TGFBR3: variants seen among roughly 807,000 people sequenced by gnomAD.
The protein encoded by TGFBR3 is transforming growth factor beta receptor 3.
In TGFBR3, 46 loss-of-function variants were observed where a neutral mutation model predicts 87.9. That is an observed-to-expected ratio of 0.52 (90% CI 0.41 to 0.67). The LOEUF (loss-of-function observed/expected upper bound fraction) is 0.67. Among genes scored for constraint, TGFBR3 ranks in the 30% least tolerant of loss-of-function variants. TGFBR3 has a pLI of 0.00. For synonymous variants in TGFBR3, 381 were observed against 391.6 expected (o/e 0.97, Z 0.32); for missense variants, 866 against 1,041.9 (o/e 0.83, Z 2.32).
intron 2 of TGFBR3, among the ~76,000 whole-genome samples, chr1:91,838,498 G>A (rs112267301): frequency 0.015 from 2,149 of 139,000 alleles, 60 homozygotes; most frequent in African/African-American, 0.055. Context: ...TCGCCCTGTC[G>A]CCCAGGCTGG....
chr1:91,725,439 G>A (rs1672517056), intron 7 of TGFBR3, among the ~76,000 whole-genome samples: 1 of 152,166 alleles, frequency 6.6e-6, no homozygotes, highest in South Asian at 2.1e-4. Context: ...CACTCTGCTA[G>A]GCATATATTA....
At chr1:91,831,817 G>A (rs1402329980) in intron 2 of TGFBR3, among the ~76,000 whole-genome samples, 1 of 152,148 alleles carries the variant, frequency 6.6e-6, no homozygotes, top group Non-Finnish European at 1.5e-5. Flanking sequence ...TTTTGAAAAC[G>A]ACGTAAGTCC....
At chr1:91,795,278 C>T (rs918774392) in intron 3 of TGFBR3, among the ~76,000 whole-genome samples, 12 of 152,222 alleles carry the variant, frequency 7.9e-5, no homozygotes, top group Non-Finnish European at 1.6e-4. Flanking sequence ...CAAAATCATA[C>T]ATATACTATA....
chr1:91,826,068 G>A (rs1246971756), intron 2 of TGFBR3, among the ~76,000 whole-genome samples: 2 of 152,038 alleles, frequency 1.3e-5, no homozygotes, highest in Non-Finnish European at 2.9e-5. Flanking sequence ...TCAATTTGCT[G>A]AAACCCATAT....
At chr1:91,816,416 C>T (rs2101050032) in intron 2 of TGFBR3, among the ~76,000 whole-genome samples, 1 of 152,090 alleles carries the variant, frequency 6.6e-6, no homozygotes, top group African/African-American at 2.4e-5. Context: ...AATTATTTTC[C>T]CTAATCCCTA....
At chr1:91,728,777 G>A (rs547517647) in intron 6 of TGFBR3, among the ~76,000 whole-genome samples, 46 of 152,158 alleles carry the variant, frequency 3.0e-4, no homozygotes, top group African/African-American at 9.4e-4. Flanking sequence ...TTTTCACCTC[G>A]AAATCCCTCT....
At chr1:91,902,182 G>T (rs1414666802) in intron 1 of TGFBR3, among the ~76,000 whole-genome samples, 1 of 151,970 alleles carries the variant, frequency 6.6e-6, no homozygotes, top group African/African-American at 2.4e-5. Context: ...TCAAAGTTAG[G>T]TGCTCTCTTT....
chr1:91,806,452 T>C (rs1388856741), intron 2 of TGFBR3, among the ~76,000 whole-genome samples: 1 of 151,594 alleles, frequency 6.6e-6, no homozygotes, highest in Non-Finnish European at 1.5e-5. Flanking sequence ...TCACACCTCA[T>C]GCAACATGGA....
intron 4 of TGFBR3, among the ~76,000 whole-genome samples, chr1:91,739,649 A>T (rs1053858891): frequency 6.6e-6 from 1 of 152,118 alleles, no homozygotes; most frequent in Admixed American, 6.6e-5. Context: ...ACCTCACAGA[A>T]CCTTCCTCAT....
At chr1:91,746,739 C>A (rs201927029) in intron 4 of TGFBR3, among the ~76,000 whole-genome samples, 6 of 107,410 alleles carry the variant, frequency 5.6e-5, no homozygotes, top group African/African-American at 2.0e-4. Flanking sequence ...TTTTTTTTTT[C>A]ATCAAGGCTG....
intron 2 of TGFBR3, among the ~76,000 whole-genome samples, chr1:91,847,226 T>C (rs556159163): frequency 3.3e-5 from 5 of 152,324 alleles, no homozygotes; most frequent in Non-Finnish European, 7.3e-5. Context: ...GGGTGCTTAA[T>C]AAACATCAAT....
chr1:91,855,370 G>A (rs1162295591), intron 2 of TGFBR3, among the ~76,000 whole-genome samples: 2 of 152,024 alleles, frequency 1.3e-5, no homozygotes, highest in Admixed American at 1.3e-4. Context: ...CTGGCACAAG[G>A]GGCCAGTGAT....
In TGFBR3 at chr1:91,844,486, T is replaced by C. The variant is rs138992253; in HGVS notation, c.61+16985A>G. On this transcript the variant is annotated intron_variant, in intron 2 of 16. Coordinates refer to ENST00000212355, the MANE Select transcript of TGFBR3 (RefSeq NM_003243.5). ...AGAAATTAAGGAAAACCTAAACAAATGAATGGGTGTACCATGTTCATGAAT... is the reference window on the plus strand; with the variant it reads ...AGAAATTAAGGAAAACCTAAACAAACGAATGGGTGTACCATGTTCATGAAT... Among the ~76,000 whole-genome samples, 1,371 of 152,282 alleles carry C rather than the reference T, an allele frequency of 9.0e-3. 23 individuals are homozygous for C. Among genetic ancestry groups the C allele is most frequent in the African/African-American group, 0.03 (1,267 of 41,558 alleles).
intron 2 of TGFBR3, among the ~76,000 whole-genome samples, chr1:91,845,380 T>G (rs933408338): frequency 1.3e-5 from 2 of 152,134 alleles, no homozygotes; most frequent in African/African-American, 4.8e-5. Flanking sequence ...GGATGGATGT[T>G]TTCAAACAGA....
intron 3 of TGFBR3, among the ~76,000 whole-genome samples, chr1:91,794,338 C>T (rs1219462856): frequency 2.6e-5 from 4 of 151,840 alleles, no homozygotes; most frequent in African/African-American, 9.7e-5. Flanking sequence ...CAAGTAGCTA[C>T]GACTACAGGC....
At chr1:91,797,201 C>T in intron 3 of TGFBR3, 86 bp downstream of exon 3, 1 of 1,427,796 alleles carries the variant, frequency 7.0e-7, no homozygotes, top group Non-Finnish European at 9.9e-7. Flanking sequence ...TTGTTGAACC[C>T]CAGAAGAGAA....
At chr1:91,891,001 G>A (rs1420898873), upstream of TGFBR3, among the ~76,000 whole-genome samples, 1 of 151,676 alleles carries the variant, frequency 6.6e-6, no homozygotes, top group Non-Finnish European at 1.5e-5. Context: ...GAGTTCAAGC[G>A]ATTTTCCTGC....
intron 3 of TGFBR3, 102 bp from the exon 4 acceptor site, chr1:91,758,852 A>T: frequency 7.3e-7 from 1 of 1,375,330 alleles, no homozygotes; most frequent in Non-Finnish European, 1.0e-6. Flanking sequence ...CACTATCAAC[A>T]GAAACAAGCT....
At chr1:91,698,513 CT>C (rs35919369) in intron 14 of TGFBR3, among the ~76,000 whole-genome samples, 38,878 of 120,436 alleles carry the variant, frequency 0.32, 3,833 homozygotes, top group Middle Eastern at 0.37. Context: ...TCAAAATATT[CT>C]TTTTTTTTTT....
Sources: gnomAD v4.1 joint callset for allele counts (sites outside exome capture counted in the v4.1 genomes callset) on GRCh38, gnomAD v4.1.1 for gene constraint, MANE v1.5 for transcripts, NCBI Gene and HGNC (gene_info 2026-07-23, HGNC 2026-07-21) for gene names.